Variants in MAGI2 observed in about 807,000 individuals in gnomAD.
MAGI2 encodes membrane associated guanylate kinase, WW and PDZ domain containing 2, also known as membrane-associated guanylate kinase, WW and PDZ domain-containing protein 2.
In MAGI2, 35 loss-of-function variants were observed where a neutral mutation model predicts 133.3. The observed-to-expected ratio is 0.26, with a 90% CI of 0.20 to 0.35. The LOEUF (loss-of-function observed/expected upper bound fraction) is 0.35. Among genes scored for constraint, MAGI2 ranks in the 10% least tolerant of loss-of-function variants. The pLI is 1.00. For missense variants in MAGI2, 1,636 were observed against 1,863.4 expected (o/e 0.88, Z 2.25); for synonymous variants, 729 against 710.6 (o/e 1.03, Z -0.41).
chr7:78,753,555 A>G (rs536706103), intron 2 of MAGI2, among the ~76,000 whole-genome samples: 6 of 152,280 alleles, frequency 3.9e-5, no homozygotes, highest in Admixed American at 3.9e-4. Context: ...AATACATAAT[A>G]GCCAAAAATT....
At chr7:79,060,571 T>C (rs1813633628) in intron 1 of MAGI2, among the ~76,000 whole-genome samples, 1 of 151,968 alleles carries the variant, frequency 6.6e-6, no homozygotes, top group Non-Finnish European at 1.5e-5. Flanking sequence ...TAGGCCCAGG[T>C]TATGAGGAAG....
At chr7:78,130,402 A>T (rs1821445562) in intron 18 of MAGI2, among the ~76,000 whole-genome samples, 1 of 152,200 alleles carries the variant, frequency 6.6e-6, no homozygotes, top group Non-Finnish European at 1.5e-5. Flanking sequence ...TCTGACATGT[A>T]GGTGGGCACT....
Position 78,501,769 on chromosome 7 carries a change from T to A in MAGI2, c.773A>T (p.Asp258Val), listed in dbSNP as rs142017790. Residue 258 changes from aspartate (D) to valine (V), a missense_variant, in exon 5 of 22, where the codon GAC becomes GTC. Transcript: ENST00000354212. ...CTCCCCTGAGGCACCTGCACTTTTGTCTTCATGTTCACTGGATTCTATAAG... is the reference window on the plus strand; with the variant it reads ...CTCCCCTGAGGCACCTGCACTTTTGACTTCATGTTCACTGGATTCTATAAG... ...VVTPESSEHE[D>V]KSAGASGEMP... is the part of the protein sequence containing the mutation. The A allele has an allele frequency of 5.6e-6, 9 of 1,613,584 alleles. No homozygotes were observed. In the African/African-American group the frequency reaches 1.1e-4, roughly 19 times the overall value.
chr7:78,868,457 C>T (rs1397688772), intron 2 of MAGI2, among the ~76,000 whole-genome samples: 5 of 152,106 alleles, frequency 3.3e-5, no homozygotes, highest in Non-Finnish European at 7.4e-5. Context: ...TACCTGTAAC[C>T]ATTACGTTAT....
rs182310714 is a variant in MAGI2 at position 79,433,479 on chromosome 7, G to A, written c.301+19541C>T. Among the ~76,000 whole-genome samples the A allele has an allele frequency of 2.9e-3, 437 of 152,128 alleles. 2 individuals are homozygous for A. The highest frequency in any genetic ancestry group is 0.01 in the African/African-American group (424 of 41,488). ...GAGGCAGGAGAATGGCGTGCACCCG[G>A]GAGGCGGAGCTTGCACTGAGGCGAG... On this transcript the variant is annotated intron_variant, in intron 1 of 21. Transcript: ENST00000354212.
At chr7:78,896,694 T>C (rs981350354) in intron 2 of MAGI2, among the ~76,000 whole-genome samples, 1 of 151,926 alleles carries the variant, frequency 6.6e-6, no homozygotes, top group African/African-American at 2.4e-5. Flanking sequence ...CAGCCTCCTG[T>C]GTAACTGGGA....
chr7:78,595,367 G>C (rs547281556), intron 3 of MAGI2, among the ~76,000 whole-genome samples: 1 of 152,128 alleles, frequency 6.6e-6, no homozygotes, highest in Non-Finnish European at 1.5e-5. Flanking sequence ...TTAGGTTCAA[G>C]AAATTGTACT....
intron 1 of MAGI2, among the ~76,000 whole-genome samples, chr7:79,235,673 A>C (rs905450669): frequency 4.9e-4 from 74 of 152,232 alleles, no homozygotes; most frequent in African/African-American, 1.7e-3. Flanking sequence ...GCGCGCACCC[A>C]CTGACCTGCG....
In MAGI2 at chr7:78,749,328, TAA is replaced by T. The variant is rs559880758; in HGVS notation, c.419-122091_419-122090del. ...GCACTATTCTAAACAGTGGTGATATTAAAGAGACCATAACAGGCACAAAGTCG... is the reference window on the plus strand; with the variant it reads ...GCACTATTCTAAACAGTGGTGATATTAGAGACCATAACAGGCACAAAGTCG... On this transcript the variant is annotated intron_variant, in intron 2 of 21. Coordinates refer to ENST00000354212, the MANE Select transcript of MAGI2 (RefSeq NM_012301.4). Among the ~76,000 whole-genome samples, 780 of 152,274 alleles carry T rather than the reference TAA, an allele frequency of 5.1e-3. 8 individuals carry two copies. The highest frequency in any genetic ancestry group is 0.018 in the African/African-American group (756 of 41,546).
At chr7:78,147,372 C>A (rs528158813) in intron 16 of MAGI2, among the ~76,000 whole-genome samples, 1 of 152,184 alleles carries the variant, frequency 6.6e-6, no homozygotes, top group South Asian at 2.1e-4. Flanking sequence ...TCTTTCTTAC[C>A]CAAGTATTGT....
intron 9 of MAGI2, among the ~76,000 whole-genome samples, chr7:78,337,761 A>C (rs1336548732): frequency 6.6e-6 from 1 of 152,234 alleles, no homozygotes; most frequent in Non-Finnish European, 1.5e-5. Context: ...CCAGAAAATG[A>C]AAAACTGGTT....
chr7:78,517,989 C>T (rs1390204434), intron 4 of MAGI2: 1 of 145,958 alleles, frequency 6.9e-6, no homozygotes, highest in African/African-American at 2.6e-5. Flanking sequence ...ATCTCTAGTT[C>T]AAAGGAGAAA....
intron 1 of MAGI2, among the ~76,000 whole-genome samples, chr7:79,225,531 T>C (rs529307162): frequency 6.6e-6 from 1 of 152,346 alleles, no homozygotes; most frequent in African/African-American, 2.4e-5. Flanking sequence ...GGTTCTATAT[T>C]TGACATATGT....
intron 3 of MAGI2, chr7:78,617,286 A>T (rs1807208529): frequency 6.6e-6 from 1 of 152,134 alleles, no homozygotes; most frequent in African/African-American, 2.4e-5. Flanking sequence ...AGTGTAAGTC[A>T]AACTTTCCAT....
chr7:78,962,245 A>G (rs575445722), intron 2 of MAGI2, among the ~76,000 whole-genome samples: 1 of 152,236 alleles, frequency 6.6e-6, no homozygotes, highest in East Asian at 1.9e-4. Flanking sequence ...ATTATCATAA[A>G]GCAATCAAAT....
intron 2 of MAGI2, among the ~76,000 whole-genome samples, chr7:78,746,644 TCTC>T (rs1288463210): frequency 1.3e-5 from 2 of 152,206 alleles, no homozygotes; most frequent in African/African-American, 4.8e-5. Flanking sequence ...TTCATAGCTG[TCTC>T]CTCATCATTT....
At chr7:78,757,305 T>TTCTCTCTCTCTCTCTCTCTC (rs3086250) in intron 2 of MAGI2, among the ~76,000 whole-genome samples, 12 of 145,392 alleles carry the variant, frequency 8.3e-5, no homozygotes, top group Admixed American at 4.8e-4. Flanking sequence ...TTCTCCCTCC[T>TTCTCTCTCTCTCTCTCTCTC]TCTCTCTCTC....
chr7:79,307,963 TGA>T (rs1288071552), intron 1 of MAGI2, among the ~76,000 whole-genome samples: 2 of 152,218 alleles, frequency 1.3e-5, no homozygotes, highest in African/African-American at 4.8e-5. Flanking sequence ...TAGAAATCTC[TGA>T]GTTTGGTTCC....
intron 6 of MAGI2, among the ~76,000 whole-genome samples, chr7:78,377,080 T>C (rs137961494): frequency 3.9e-5 from 6 of 152,264 alleles, no homozygotes; most frequent in African/African-American, 7.2e-5. Flanking sequence ...AAAATGCTTA[T>C]GTAAACATCC....
Sources: gnomAD v4.1 joint callset for allele counts (sites outside exome capture counted in the v4.1 genomes callset) on GRCh38, gnomAD v4.1.1 for gene constraint, MANE v1.5 for transcripts, NCBI Gene and HGNC (gene_info 2026-07-23, HGNC 2026-07-21) for gene names.